The following RSU1 variants were observed in gnomAD, a reference collection of about 807,000 sequenced individuals.
RSU1 encodes rsu-1.
RSU1 carries 26 observed loss-of-function variants against 31.1 expected under a neutral mutation model. That is an observed-to-expected ratio of 0.84 (90% confidence interval 0.61 to 1.16). The LOEUF is 1.16. RSU1 is among the 50% of genes most tolerant of loss of function. The pLI is 0.00. For missense variants in RSU1, 320 were observed against 339.1 expected, an observed-to-expected ratio of 0.94 and a Z score of 0.44; for synonymous variants, 164 against 136.3, an observed-to-expected ratio of 1.20 and a Z score of -1.41.
At chr10:16,740,109 G>C (rs1444664301) in intron 7 of RSU1, among the ~76,000 whole-genome samples, 1 of 152,056 alleles carries the variant, frequency 6.6e-6, no homozygotes, top group Non-Finnish European at 1.5e-5. Flanking sequence ...CATTTTATGA[G>C]ACTCGATAGT....
At chr10:16,701,526 A>C (rs927450318) in intron 7 of RSU1, among the ~76,000 whole-genome samples, 1 of 152,196 alleles carries the variant, frequency 6.6e-6, no homozygotes, top group Non-Finnish European at 1.5e-5. Context: ...CATTCTGTAC[A>C]TTTAATGCAT....
intron 2 of RSU1, among the ~76,000 whole-genome samples, chr10:16,806,857 GAT>G (rs1316044339): frequency 6.6e-6 from 1 of 152,152 alleles, no homozygotes; most frequent in African/African-American, 2.4e-5. Flanking sequence ...AGGTTCAAGT[GAT>G]TCTCCTGCCT....
Position 16,731,409 on chromosome 10 carries a change from G to A in RSU1, c.598+21130C>T, listed in dbSNP as rs999083605. ...AGCACCACTGCACTCGAGCCTGGGC[G>A]AAAGAGCGACACTCCGTCTCAAAAA... On this transcript the variant is annotated intron_variant, in intron 7 of 8. Transcript: ENST00000345264. 7.8e-5 allele frequency among the ~76,000 whole-genome samples: 11 copies of A among 140,548 alleles called. No homozygotes were observed. In the East Asian group the frequency reaches 1.7e-3, roughly 21 times the overall value. 92.2% of individuals were successfully genotyped at this position (140,548 alleles called of 152,430 possible). A position where few individuals can be genotyped will look rare whatever the true frequency, so the allele number is the denominator to read the frequency against.
At chr10:16,638,315 T>G (rs1564294690) in intron 8 of RSU1, among the ~76,000 whole-genome samples, 1 of 152,074 alleles carries the variant, frequency 6.6e-6, no homozygotes, top group Non-Finnish European at 1.5e-5. Context: ...CGCGCGCATG[T>G]GTGTAGTACC....
chr10:16,744,457 AT>A (rs912887099), intron 7 of RSU1, among the ~76,000 whole-genome samples: 2 of 152,240 alleles, frequency 1.3e-5, no homozygotes, highest in Non-Finnish European at 1.5e-5. Context: ...ACAGTGAGAA[AT>A]TAAACAATTA....
chr10:16,721,822 T>C (rs958398823), intron 7 of RSU1: 7 of 152,206 alleles, frequency 4.6e-5, no homozygotes, highest in Non-Finnish European at 1.0e-4. Flanking sequence ...AGTTCATATT[T>C]ACCCTCTCTG....
chr10:16,660,638 G>A (rs988287526), intron 8 of RSU1, among the ~76,000 whole-genome samples: 3 of 85,322 alleles, frequency 3.5e-5, no homozygotes, highest in African/African-American at 1.6e-4. Flanking sequence ...ATTTATTCTT[G>A]AACTCTCTTT....
chr10:16,704,043 C>G (rs750508335), intron 7 of RSU1, among the ~76,000 whole-genome samples: 1 of 151,938 alleles, frequency 6.6e-6, no homozygotes, highest in South Asian at 2.1e-4. Flanking sequence ...TGTTTCTGGT[C>G]GAAGGACCAC....
rs200600927 is a variant in RSU1 at position 16,752,565 on chromosome 10, C to A, written c.572G>T (p.Arg191Leu). 5.0e-5 allele frequency: 80 copies of A among 1,613,956 alleles called. No homozygotes were observed. The East Asian group carries it at 1.8e-3, about 36-fold the overall frequency. Residue 191 changes from arginine (R) to leucine (L), a missense_variant, in exon 7 of 9, where the codon CGC (arginine) becomes CTC (leucine). Coordinates refer to ENST00000345264, the MANE Select transcript of RSU1 (RefSeq NM_012425.4). ...TAGTTCTGGGGGCAGAACGGTGAGGCGGTTCCCCTGAATGTGGAGCTCTTT... is the reference window on the plus strand; with the variant it reads ...TAGTTCTGGGGGCAGAACGGTGAGGAGGTTCCCCTGAATGTGGAGCTCTTT... ...QLKELHIQGN[R>L]LTVLPPELGN...
At chr10:16,802,709 C>T (rs1337838037) in intron 2 of RSU1, among the ~76,000 whole-genome samples, 1 of 149,180 alleles carries the variant, frequency 6.7e-6, no homozygotes, top group Non-Finnish European at 1.5e-5. Flanking sequence ...GTGGAACTTA[C>T]TCCAGGTATG....
intron 8 of RSU1, among the ~76,000 whole-genome samples, chr10:16,671,011 C>CTGAGGTGGA (rs1308891323): frequency 6.6e-6 from 1 of 152,200 alleles, no homozygotes; most frequent in African/African-American, 2.4e-5. Context: ...GGTGATCCAC[C>CTGAGGTGGA]TGCCTCGGCT....
intron 8 of RSU1, among the ~76,000 whole-genome samples, chr10:16,615,773 T>G (rs375059743): frequency 4.6e-5 from 7 of 152,240 alleles, no homozygotes; most frequent in African/African-American, 1.4e-4. Context: ...CCAGAAAGAC[T>G]CCTGGGTAAA....
At chr10:16,717,411 T>A (rs1003104053) in intron 7 of RSU1, among the ~76,000 whole-genome samples, 8 of 152,166 alleles carry the variant, frequency 5.3e-5, no homozygotes, top group African/African-American at 1.9e-4. Flanking sequence ...ACCAATCCAA[T>A]AGTTTTTAGG....
At chr10:16,594,426 C>A (rs989639001) in intron 8 of RSU1, among the ~76,000 whole-genome samples, 1 of 149,298 alleles carries the variant, frequency 6.7e-6, no homozygotes, top group African/African-American at 2.5e-5. Context: ...TTTTTTTTTC[C>A]TGAGTGTCTC....
At position 16,748,854 on chromosome 10, in the gene RSU1, C is replaced by G. The variant is rs375042571; in HGVS notation, c.598+3685G>C. 4.9e-3 allele frequency among the ~76,000 whole-genome samples: 709 copies of G among 144,766 alleles called. 10 individuals are homozygous for G. The highest frequency in any genetic ancestry group is 0.019 in the African/African-American group (676 of 35,548). The allele number at this position is 144,766 out of a possible 152,430, so 95.0% of individuals were successfully genotyped here. Reference sequence around the variant, plus strand: ...TACCCGTTCCCCAGCCGGGCTCTCCCTTCCATGCTCCATTTTTTTCCCAGA... The same window carrying G: ...TACCCGTTCCCCAGCCGGGCTCTCCGTTCCATGCTCCATTTTTTTCCCAGA... On this transcript the variant is annotated intron_variant, in intron 7 of 8. Transcript: ENST00000345264.
intron 2 of RSU1, among the ~76,000 whole-genome samples, chr10:16,807,905 C>G (rs1053034313): frequency 1.3e-5 from 2 of 151,922 alleles, no homozygotes; most frequent in Non-Finnish European, 2.9e-5. Flanking sequence ...TGCCTGTAGT[C>G]CCAGCCACTG....
chr10:16,646,549 C>T (rs1216355645), intron 8 of RSU1, among the ~76,000 whole-genome samples: 4 of 152,182 alleles, frequency 2.6e-5, no homozygotes, highest in South Asian at 2.1e-4. Flanking sequence ...ACACTTCCAT[C>T]GTAGCTCCCC....
At chr10:16,676,210 C>T (rs1397393169) in intron 8 of RSU1, among the ~76,000 whole-genome samples, 1 of 152,132 alleles carries the variant, frequency 6.6e-6, no homozygotes, top group Non-Finnish European at 1.5e-5. Flanking sequence ...AAGAAATACC[C>T]ACGACTGAGT....
chr10:16,784,557 G>A (rs1197363886), intron 2 of RSU1, among the ~76,000 whole-genome samples: 1 of 152,148 alleles, frequency 6.6e-6, no homozygotes, highest in Non-Finnish European at 1.5e-5. Context: ...TTCTCACGCT[G>A]CTAGTAAAGA....
Sources: allele counts gnomAD v4.1 joint callset (sites outside exome capture counted in the v4.1 genomes callset), GRCh38; gene constraint gnomAD v4.1.1; transcripts MANE v1.5; gene names NCBI Gene and HGNC (gene_info 2026-07-23, HGNC 2026-07-21).